WDR59: variants seen among roughly 807,000 people sequenced by gnomAD.
WDR59 encodes WD repeat domain 59.
Under a neutral mutation model 131.2 loss-of-function variants are expected in WDR59, and 100 were observed. The ratio of observed to expected loss-of-function variants is 0.76; its 90% CI spans 0.65 to 0.90. The LOEUF (loss-of-function observed/expected upper bound fraction) is 0.90, where lower values mean the gene tolerates loss of function less well. Among genes scored for constraint, WDR59 ranks in the 40% least tolerant of loss-of-function variants. The pLI is 0.00. For missense variants in WDR59, 1,203 were observed against 1,262.2 expected (o/e 0.95, Z 0.71); for synonymous variants, 601 against 466.2 (o/e 1.29, Z -3.72).
intron 6 of WDR59, among the ~76,000 whole-genome samples, chr16:74,945,364 C>T (rs888644157): frequency 2.0e-5 from 3 of 151,532 alleles, no homozygotes; most frequent in Non-Finnish European, 2.9e-5. Flanking sequence ...GCAGTCCCAG[C>T]TACTCGGGAG....
chr16:74,964,307 A>T (rs1339262376), intron 2 of WDR59, among the ~76,000 whole-genome samples: 2 of 150,240 alleles, frequency 1.3e-5, no homozygotes, highest in Non-Finnish European at 3.0e-5. Context: ...TGAAACCGGA[A>T]GGCGGAGGTT....
At chr16:74,904,695 T>C (rs893420393) in intron 17 of WDR59, among the ~76,000 whole-genome samples, 1 of 152,190 alleles carries the variant, frequency 6.6e-6, no homozygotes, top group African/African-American at 2.4e-5. Context: ...TTGAAAGACC[T>C]AGAACAGCCA....
intron 18 of WDR59, among the ~76,000 whole-genome samples, chr16:74,896,633 T>TA (rs554333270): frequency 0.086 from 11,871 of 138,694 alleles, 1,145 homozygotes; most frequent in African/African-American, 0.24. Flanking sequence ...AGACCCTGCC[T>TA]AAAAAAAAAA....
At chr16:74,924,110 C>T in intron 8 of WDR59, 107 bp from the exon 9 acceptor site, 1 of 1,066,200 alleles carries the variant, frequency 9.4e-7, no homozygotes, top group African/African-American at 1.6e-5. Context: ...TAAAGATACA[C>T]TTCAACAACA....
At chr16:74,931,929 A>G (rs919823483) in intron 8 of WDR59, among the ~76,000 whole-genome samples, 2 of 152,052 alleles carry the variant, frequency 1.3e-5, no homozygotes, top group African/African-American at 4.8e-5. Flanking sequence ...AATATGTTTA[A>G]TATTTCTTTA....
chr16:74,895,106 G>T (rs1372558558), intron 18 of WDR59, among the ~76,000 whole-genome samples: 1 of 152,124 alleles, frequency 6.6e-6, no homozygotes, highest in African/African-American at 2.4e-5. Flanking sequence ...TTCCTATAGG[G>T]TTATCATGTG....
intron 1 of WDR59, among the ~76,000 whole-genome samples, chr16:74,970,949 G>A (rs1173435845): frequency 2.0e-5 from 3 of 152,056 alleles, no homozygotes; most frequent in South Asian, 4.2e-4. Context: ...TACTTGGGGG[G>A]CTGAGGGGAG....
Position 74,938,261 on chromosome 16 carries a change from G to T in WDR59, c.540C>A (p.Pro180=). The T allele has an allele frequency of 6.5e-7, 1 of 1,531,518 alleles. No homozygotes were observed. Among genetic ancestry groups the T allele is most frequent in the Non-Finnish European group, 8.8e-7 (1 of 1,138,428 alleles). The allele number at this position is 1,531,518 out of a possible 1,614,324, so 94.9% of individuals were successfully genotyped here. The change falls in exon 8 of 26, where the codon CCC becomes CCA. Residue 180 remains proline, a synonymous_variant. Coordinates refer to ENST00000262144, the MANE Select transcript of WDR59 (RefSeq NM_030581.4). ...GDVRIWDKRK[P]STAVEYLAAH... ...CGGCTAGATATTCCACTGCTGTACT[G>T]GGTTTCTGCAACAGATCAGCACCTA...
chr16:74,957,432 C>G (rs907830949), intron 2 of WDR59, among the ~76,000 whole-genome samples: 1 of 152,094 alleles, frequency 6.6e-6, no homozygotes, highest in Admixed American at 6.6e-5. Context: ...GCTCTGCACT[C>G]AACAAATGTG....
chr16:74,886,232 G>C, intron 24 of WDR59, 38 bp downstream of exon 24: 4 of 1,590,586 alleles, frequency 2.5e-6, no homozygotes, highest in Non-Finnish European at 3.4e-6. Flanking sequence ...CCTGCCTGGA[G>C]TCCTGGCATT....
intron 14 of WDR59, among the ~76,000 whole-genome samples, chr16:74,911,202 A>G (rs1248498665): frequency 6.6e-6 from 1 of 152,202 alleles, no homozygotes; most frequent in Non-Finnish European, 1.5e-5. Flanking sequence ...TTCGCAACCT[A>G]ATCGTATCAT....
At chr16:74,920,381 T>A (rs959049797) in intron 10 of WDR59, among the ~76,000 whole-genome samples, 1 of 152,004 alleles carries the variant, frequency 6.6e-6, no homozygotes, top group African/African-American at 2.4e-5. Flanking sequence ...TGATGTTCAG[T>A]GGGTTAGGTG....
rs546973913 is a variant in WDR59 at position 74,951,717 on chromosome 16, G to C, written c.241-174C>G. Among the ~76,000 whole-genome samples, 6 of 152,336 alleles carry C rather than the reference G, an allele frequency of 3.9e-5. No homozygotes were observed. The East Asian group carries it at 9.6e-4, about 24-fold the overall frequency. On this transcript the variant is annotated intron_variant, in intron 3 of 25. Coordinates refer to ENST00000262144, the MANE Select transcript of WDR59 (RefSeq NM_030581.4). ...ATAAGTACAATTAACATTAGCTTGA[G>C]CTAACTTCAGCTCAGTATGTAGGTC... is the stretch of plus-strand genomic sequence containing the variant.
intron 8 of WDR59, among the ~76,000 whole-genome samples, chr16:74,930,211 A>G (rs2031256598): frequency 6.6e-6 from 1 of 152,196 alleles, no homozygotes; most frequent in Non-Finnish European, 1.5e-5. Context: ...AATGTTTATA[A>G]CAGAAAAAAA....
At chr16:74,905,195 G>C (rs1217540302) in intron 17 of WDR59, among the ~76,000 whole-genome samples, 1 of 152,010 alleles carries the variant, frequency 6.6e-6, no homozygotes, top group African/African-American at 2.4e-5. Context: ...GACCAACGTG[G>C]AGAAACCCCA....
chr16:74,960,401 C>T (rs2033506113), intron 2 of WDR59, among the ~76,000 whole-genome samples: 1 of 151,772 alleles, frequency 6.6e-6, no homozygotes, highest in South Asian at 2.1e-4. Flanking sequence ...CAAAGTCATA[C>T]AAGATATCCA....
rs532479685 is a variant in WDR59, at chr16:74,908,609, C to G, written c.1712+299G>C. ...AATTGAATAATAAAATAATTAAAAA[C>G]AAATAATAAATAATATGCTAGCAAT... On this transcript the variant is annotated intron_variant, in intron 17 of 25. Coordinates refer to ENST00000262144, the MANE Select transcript of WDR59 (RefSeq NM_030581.4). 593 of 270,514 alleles carry G rather than the reference C, an allele frequency of 2.2e-3. 2 individuals are homozygous for G. The highest frequency in any genetic ancestry group is 0.012 in the African/African-American group (557 of 45,558). The allele number at this position is 270,514 out of a possible 1,614,324, so 16.8% of individuals were successfully genotyped here. A position where few individuals can be genotyped will look rare whatever the true frequency, so the allele number is the denominator to read the frequency against.
intron 25 of WDR59, among the ~76,000 whole-genome samples, chr16:74,879,697 C>T (rs1242088822): frequency 1.3e-5 from 2 of 151,930 alleles, no homozygotes; most frequent in African/African-American, 2.4e-5. Flanking sequence ...GTTCTAATTA[C>T]CTTCAGGAGA....
In WDR59 at chr16:74,886,225, GCCTGGAGT is replaced by G. The variant is rs915406489; in HGVS notation, c.2546+37_2546+44del. 5 of 1,578,416 alleles carry G rather than the reference GCCTGGAGT, an allele frequency of 3.2e-6. No homozygotes were observed. In the Admixed American group the frequency reaches 6.9e-5, roughly 22 times the overall value. Reference sequence around the variant, plus strand: ...GTGATTGTGGAGAAACTGGAGTCCTGCCTGGAGTCCTGGCATTGCAGCTCTCACCTGGG... The same window carrying G: ...GTGATTGTGGAGAAACTGGAGTCCTGCCTGGCATTGCAGCTCTCACCTGGG... On this transcript the variant is annotated intron_variant, in intron 24 of 25. Coordinates refer to ENST00000262144, the MANE Select transcript of WDR59 (RefSeq NM_030581.4).
Sources: allele counts gnomAD v4.1 joint callset (sites outside exome capture counted in the v4.1 genomes callset), GRCh38; gene constraint gnomAD v4.1.1; transcripts MANE v1.5; gene names NCBI Gene and HGNC (gene_info 2026-07-23, HGNC 2026-07-21).